The following FABP12 variants were observed in gnomAD, a reference collection of about 807,000 sequenced individuals.
The protein encoded by FABP12 is fatty acid-binding protein 12.
Under a neutral mutation model 13.7 loss-of-function variants are expected in FABP12, and 19 were observed. The observed-to-expected ratio is 1.39, with a 90% CI of 0.97 to 2.04. The LOEUF is 2.04. Ranked by LOEUF, FABP12 falls within the 30% of genes most tolerant of loss-of-function variation. The probability of loss-of-function intolerance (pLI) is 0.00; values close to 1 mark genes in which losing one functional copy is unlikely to be tolerated. For synonymous variants in FABP12, 61 were observed against 57.0 expected (o/e 1.07, Z -0.32); for missense variants, 182 against 164.2 (o/e 1.11, Z -0.59).
chr8:81,566,115 T>C (rs1050874751), intron 1 of FABP12, among the ~76,000 whole-genome samples: 1 of 151,862 alleles, frequency 6.6e-6, no homozygotes, highest in Admixed American at 6.6e-5. Flanking sequence ...GATTGAACCA[T>C]AAGGAAATCC....
intron 1 of FABP12, among the ~76,000 whole-genome samples, chr8:81,554,846 G>A (rs1809582075): frequency 6.6e-6 from 1 of 152,102 alleles, no homozygotes; most frequent in South Asian, 2.1e-4. Flanking sequence ...AAGGTTCTAA[G>A]AAAGTTTACG....
chr8:81,527,064 C>A lies in FABP12; in HGVS notation c.304G>T (p.Glu102Ter). ...ACCAGCTTTCTCGTTATGGTGGTTT[C>A]TTTGCCATCCCAGTCCTGAACTTGA... Residue 102 changes from glutamate (E) to a stop codon, truncating the protein, a stop_gained, in exon 4 of 5, where the codon GAA (glutamate) becomes TAA (stop). Coordinates refer to ENST00000360464, the Ensembl canonical transcript of FABP12. LOFTEE classifies it low-confidence loss of function (END_TRUNC). 1 of 1,612,236 alleles carries A rather than the reference C, an allele frequency of 6.2e-7. No homozygotes were observed. Among genetic ancestry groups the A allele is most frequent in the Non-Finnish European group, 8.5e-7 (1 of 1,179,252 alleles).
intron 2 of FABP12, among the ~76,000 whole-genome samples, chr8:81,529,827 C>T (rs1809016000): frequency 1.3e-5 from 2 of 152,124 alleles, no homozygotes; most frequent in African/African-American, 4.8e-5. Flanking sequence ...TTAAAATAGA[C>T]TATCTTTGCA....
intron 1 of FABP12, among the ~76,000 whole-genome samples, chr8:81,584,123 T>C (rs924982520): frequency 1.3e-5 from 2 of 152,086 alleles, no homozygotes; most frequent in African/African-American, 4.8e-5. Flanking sequence ...GAAAAAGCAT[T>C]TGATAAAATT....
chr8:81,537,130 AAAATT>A (rs531904702), upstream of FABP12, among the ~76,000 whole-genome samples: 33 of 152,358 alleles, frequency 2.2e-4, no homozygotes, highest in African/African-American at 7.0e-4. Flanking sequence ...TGCCAACAGA[AAAATT>A]AATATAAGGA....
chr8:81,537,661 T>C (rs561626227), upstream of FABP12, among the ~76,000 whole-genome samples: 1 of 152,212 alleles, frequency 6.6e-6, no homozygotes, highest in East Asian at 1.9e-4. Flanking sequence ...CGAAACTGGG[T>C]CATCTCTTAG....
chr8:81,527,544 G>T (rs972604719), intron 3 of FABP12, among the ~76,000 whole-genome samples: 1 of 151,846 alleles, frequency 6.6e-6, no homozygotes, highest in Non-Finnish European at 1.5e-5. Context: ...TGTATTTTTA[G>T]TAAAGACGGG....
intron 1 of FABP12, among the ~76,000 whole-genome samples, chr8:81,578,042 T>C (rs1162070954): frequency 6.6e-6 from 1 of 152,222 alleles, no homozygotes; most frequent in Non-Finnish European, 1.5e-5. Context: ...TAAAAAATTA[T>C]TCTGACTATA....
intron 1 of FABP12, among the ~76,000 whole-genome samples, chr8:81,547,947 C>T (rs1195316605): frequency 1.3e-5 from 2 of 152,106 alleles, no homozygotes; most frequent in Non-Finnish European, 2.9e-5. Flanking sequence ...AGAATTCATA[C>T]AGAAAAGAAA....
chr8:81,567,435 C>G (rs1243846556), intron 1 of FABP12, among the ~76,000 whole-genome samples: 1 of 152,174 alleles, frequency 6.6e-6, no homozygotes, highest in South Asian at 2.1e-4. Flanking sequence ...GTAACCAAAA[C>G]AGATGGCATT....
Position 81,525,552 on chromosome 8 carries a change from AGAT to A in FABP12, c.349-435_349-433del, listed in dbSNP as rs72272927. Among the ~76,000 whole-genome samples, 1,062 of 147,956 alleles carry A rather than the reference AGAT, an allele frequency of 7.2e-3. 11 individuals carry two copies. The highest frequency in any genetic ancestry group is 0.024 in the African/African-American group (915 of 38,394). ...AAAATAGATAGATAGATAGATAGAT[AGAT>A]GATAGATAGATAGATAGATAGATCT... On this transcript the variant is annotated intron_variant, in intron 4 of 4. Coordinates refer to ENST00000360464, the Ensembl canonical transcript of FABP12.
At position 81,525,139 on chromosome 8, in the gene FABP12, A is replaced by ACCTCATATTTCT; in HGVS notation, c.349-20_349-19insAGAAATATGAGG. On this transcript the variant is annotated intron_variant, in intron 4 of 4. Coordinates refer to ENST00000360464, the Ensembl canonical transcript of FABP12. ...TACTTTCCTACAAGACAAAAGAAAT[A>ACCTCATATTTCT]TGAGGTATTTCAGTATAGTTAGTGA... The ACCTCATATTTCT allele has an allele frequency of 1.4e-6, 2 of 1,481,342 alleles. No individual in the cohort carries two copies. Among genetic ancestry groups the ACCTCATATTTCT allele is most frequent in the Non-Finnish European group, 1.9e-6 (2 of 1,074,296 alleles). 91.8% of individuals were successfully genotyped at this position (1,481,342 alleles called of 1,614,324 possible).
chr8:81,533,227 C>T (rs1809127092), intron 1 of FABP12: 1 of 152,212 alleles, frequency 6.6e-6, no homozygotes. Flanking sequence ...ATGTGTCAGT[C>T]ACATCAGCTC....
chr8:81,541,008 A>G (rs1318096385), intron 1 of FABP12, among the ~76,000 whole-genome samples: 3 of 152,018 alleles, frequency 2.0e-5, no homozygotes, highest in Non-Finnish European at 4.4e-5. Context: ...TCTACTAAAA[A>G]TACAAAAAAT....
chr8:81,527,964 T>G (rs1472170097), intron 3 of FABP12, among the ~76,000 whole-genome samples: 1 of 150,202 alleles, frequency 6.7e-6, no homozygotes, highest in Non-Finnish European at 1.5e-5. Flanking sequence ...CAATAAAGAA[T>G]AATAATAATA....
chr8:81,529,280 A>G, intron 3 of FABP12, 158 bp downstream of exon 3: 1 of 718,360 alleles, frequency 1.4e-6, no homozygotes, highest in Non-Finnish European at 2.3e-6. Flanking sequence ...GCATCCCAGA[A>G]GATTTGTATC....
intron 1 of FABP12, among the ~76,000 whole-genome samples, chr8:81,556,879 CTTT>C (rs11338781): frequency 1.8e-5 from 2 of 109,260 alleles, no homozygotes; most frequent in African/African-American, 3.8e-5. Flanking sequence ...AAGTGTACAT[CTTT>C]TTTTTTTTTT....
At chr8:81,551,560 G>A (rs940177424) in intron 1 of FABP12, among the ~76,000 whole-genome samples, 1 of 152,180 alleles carries the variant, frequency 6.6e-6, no homozygotes, top group South Asian at 2.1e-4. Flanking sequence ...AAAACTATGT[G>A]TGGGTTTGAA....
At chr8:81,542,341 G>A (rs2129990501) in intron 1 of FABP12, among the ~76,000 whole-genome samples, 1 of 152,168 alleles carries the variant, frequency 6.6e-6, no homozygotes, top group Middle Eastern at 3.4e-3. Flanking sequence ...CTTTATATAG[G>A]GTAACACTGG....
Sources: allele counts gnomAD v4.1 joint callset (sites outside exome capture counted in the v4.1 genomes callset), GRCh38; gene constraint gnomAD v4.1.1; transcripts MANE v1.5; gene names NCBI Gene and HGNC (gene_info 2026-07-23, HGNC 2026-07-21).